The following SLC9A9 variants were observed in gnomAD, a reference collection of about 807,000 sequenced individuals.
SLC9A9 encodes solute carrier family 9 member A9, also known as sodium/hydrogen exchanger 9.
A neutral mutation model predicts 77.8 loss-of-function variants in SLC9A9; 62 were observed. The observed-to-expected ratio is 0.80, with a 90% CI of 0.65 to 0.98. The LOEUF (loss-of-function observed/expected upper bound fraction) is 0.98, where lower values mean the gene tolerates loss of function less well. Ranked by LOEUF, SLC9A9 falls within the 50% of genes least tolerant of loss-of-function variation. The pLI, the probability that SLC9A9 is intolerant of heterozygous loss-of-function variation, is 0.00. For missense variants in SLC9A9, 775 were observed against 774.9 expected (o/e 1.00, Z 0.00); for synonymous variants, 320 against 283.5 (o/e 1.13, Z -1.29).
intron 5 of SLC9A9, among the ~76,000 whole-genome samples, chr3:143,675,348 A>G (rs1385989182): frequency 6.6e-6 from 1 of 152,218 alleles, no homozygotes; most frequent in Non-Finnish European, 1.5e-5. Context: ...CTAAACAGAG[A>G]CTTTGACTTT....
intron 14 of SLC9A9, among the ~76,000 whole-genome samples, chr3:143,329,869 C>G (rs1200174296): frequency 1.3e-5 from 2 of 152,254 alleles, no homozygotes; most frequent in Admixed American, 6.5e-5. Context: ...TTCCTCCCAG[C>G]TTTTGTTCCG....
At chr3:143,645,848 T>C (rs1221451045) in intron 6 of SLC9A9, among the ~76,000 whole-genome samples, 1 of 152,034 alleles carries the variant, frequency 6.6e-6, no homozygotes, top group Non-Finnish European at 1.5e-5. Context: ...AGACATCTAG[T>C]ATGTATTTAT....
rs1428736811 is a variant in SLC9A9, at chr3:143,549,307, C to T, written c.1089+3055G>A. 2.0e-5 allele frequency among the ~76,000 whole-genome samples: 3 copies of T among 152,122 alleles called. No individual in the cohort carries two copies. The East Asian group carries it at 5.8e-4, about 29-fold the overall frequency. Reference sequence around the variant, plus strand: ...AAGTGGGGACCTTAGACTCTGTTTACTACAGTATGGGATGTGCATGTGTAT... The same window carrying T: ...AAGTGGGGACCTTAGACTCTGTTTATTACAGTATGGGATGTGCATGTGTAT... On this transcript the variant is annotated intron_variant, in intron 9 of 15. Transcript: ENST00000316549.
chr3:143,657,289 T>C (rs916017991), intron 5 of SLC9A9, among the ~76,000 whole-genome samples: 1 of 152,244 alleles, frequency 6.6e-6, no homozygotes, highest in Non-Finnish European at 1.5e-5. Context: ...CAAAACATCA[T>C]GAGGAATTTA....
chr3:143,807,088 A>G (rs1359387425), intron 2 of SLC9A9, among the ~76,000 whole-genome samples: 1 of 152,152 alleles, frequency 6.6e-6, no homozygotes, highest in Non-Finnish European at 1.5e-5. Flanking sequence ...GAAACAGGAG[A>G]TGAGTGGAGG....
At chr3:143,679,851 T>C (rs1933024269) in intron 5 of SLC9A9, among the ~76,000 whole-genome samples, 2 of 151,888 alleles carry the variant, frequency 1.3e-5, no homozygotes, top group South Asian at 2.1e-4. Context: ...GTATACTAAA[T>C]ACACTTAAAG....
intron 3 of SLC9A9, among the ~76,000 whole-genome samples, chr3:143,795,400 C>T (rs565408200): frequency 3.3e-5 from 5 of 151,890 alleles, no homozygotes; most frequent in East Asian, 3.9e-4. Context: ...ATGCCAGAAT[C>T]GGGGCAATAA....
At chr3:143,807,784 T>C (rs1302970668) in intron 2 of SLC9A9, among the ~76,000 whole-genome samples, 1 of 151,950 alleles carries the variant, frequency 6.6e-6, no homozygotes, top group African/African-American at 2.4e-5. Flanking sequence ...CAGCTGTGTG[T>C]GTTCAGAAAC....
intron 8 of SLC9A9, 144 bp from the exon 9 acceptor site, chr3:143,552,594 A>AATCTTGC (rs2036912404): frequency 2.9e-6 from 2 of 679,866 alleles, no homozygotes; most frequent in East Asian, 5.5e-5. Context: ...AACCTAGGTA[A>AATCTTGC]ATCTTGCACT....
chr3:143,472,948 T>C (rs942883434), intron 11 of SLC9A9, among the ~76,000 whole-genome samples: 5 of 141,050 alleles, frequency 3.5e-5, no homozygotes, highest in Admixed American at 6.9e-5. Flanking sequence ...ATAAGCAGGT[T>C]ACCTCATCTA....
At chr3:143,837,460 C>CATGAGTAT (rs2009595449) in intron 1 of SLC9A9, among the ~76,000 whole-genome samples, 1 of 152,120 alleles carries the variant, frequency 6.6e-6, no homozygotes, top group Admixed American at 6.5e-5. Context: ...TGAGTGGCTA[C>CATGAGTAT]CAAGAATAAT....
intron 9 of SLC9A9, among the ~76,000 whole-genome samples, chr3:143,549,653 C>T (rs1446772800): frequency 6.6e-6 from 1 of 152,108 alleles, no homozygotes; most frequent in African/African-American, 2.4e-5. Flanking sequence ...GCTTTTCAAG[C>T]CATTCAGAGG....
chr3:143,615,745 G>A (rs778528266), intron 6 of SLC9A9, among the ~76,000 whole-genome samples: 10 of 152,116 alleles, frequency 6.6e-5, no homozygotes, highest in Non-Finnish European at 1.5e-4. Context: ...ACAACTGCAG[G>A]AGGTATATAT....
At chr3:143,559,376 A>G (rs13068070) in intron 8 of SLC9A9, among the ~76,000 whole-genome samples, 16,980 of 152,268 alleles carry the variant, frequency 0.11, 1,165 homozygotes, top group East Asian at 0.15. Context: ...ATCCTATGGT[A>G]GAGTAGCTAC....
At chr3:143,552,340 T>A in intron 9 of SLC9A9, 22 bp downstream of exon 9, 1 of 1,562,824 alleles carries the variant, frequency 6.4e-7, no homozygotes, top group South Asian at 1.1e-5. Context: ...AGACCAAGTC[T>A]GTAGTAAATT....
chr3:143,739,572 A>G (rs2108815733), intron 4 of SLC9A9, among the ~76,000 whole-genome samples: 1 of 152,344 alleles, frequency 6.6e-6, no homozygotes, highest in African/African-American at 2.4e-5. Flanking sequence ...TACTAGTCTT[A>G]CTTTATTTTA....
chr3:143,719,113 CACTT>C (rs1934429485), intron 4 of SLC9A9, among the ~76,000 whole-genome samples: 2 of 152,228 alleles, frequency 1.3e-5, no homozygotes, highest in Admixed American at 6.5e-5. Flanking sequence ...ACACAACACA[CACTT>C]ACTGAGAAGC....
intron 14 of SLC9A9, among the ~76,000 whole-genome samples, chr3:143,348,554 G>C (rs1387937132): frequency 6.6e-6 from 1 of 152,100 alleles, no homozygotes; most frequent in Non-Finnish European, 1.5e-5. Flanking sequence ...CAGAGGGCTA[G>C]GCATCTCTTT....
At chr3:143,797,522 G>A (rs895817887) in intron 2 of SLC9A9, among the ~76,000 whole-genome samples, 4 of 151,906 alleles carry the variant, frequency 2.6e-5, no homozygotes, top group African/African-American at 9.7e-5. Flanking sequence ...AGCAAGTGAA[G>A]AATCACCAAA....
Sources: gnomAD v4.1 joint callset for allele counts (sites outside exome capture counted in the v4.1 genomes callset) on GRCh38, gnomAD v4.1.1 for gene constraint, MANE v1.5 for transcripts, NCBI Gene and HGNC (gene_info 2026-07-23, HGNC 2026-07-21) for gene names.